Variants in LONRF3 observed in about 807,000 individuals in gnomAD.
The protein encoded by LONRF3 is LON peptidase N-terminal domain and ring finger 3, also known as LON peptidase N-terminal domain and RING finger protein 3.
A neutral mutation model predicts 51.7 loss-of-function variants in LONRF3; 19 were observed. The observed-to-expected ratio is 0.37, with a 90% CI of 0.26 to 0.54. The LOEUF is 0.54. Among genes scored for constraint, LONRF3 ranks in the 20% least tolerant of loss-of-function variants. LONRF3 has a pLI of 0.86. For synonymous variants in LONRF3, 265 were observed against 257.8 expected (o/e 1.03, Z -0.27); for missense variants, 521 against 623.9 (o/e 0.84, Z 1.76).
At chrX:118,992,415 G>T (rs1374351124) in intron 5 of LONRF3, among the ~76,000 whole-genome samples, 1 of 110,870 alleles carries the variant, frequency 9.0e-6, no homozygotes, top group African/African-American at 3.3e-5. Flanking sequence ...AACTTCCCTG[G>T]TAACCTGCAT....
At chrX:119,000,775 T>TTCTCTCTC (rs200671696) in intron 5 of LONRF3, among the ~76,000 whole-genome samples, 23 of 55,840 alleles carry the variant, frequency 4.1e-4, no homozygotes, top group Non-Finnish European at 6.7e-4. Context: ...TTCACTCTCA[T>TTCTCTCTC]TCTCTCTCTC....
At chrX:118,979,631 G>A (rs1357850710) in intron 2 of LONRF3, among the ~76,000 whole-genome samples, 2 of 111,663 alleles carry the variant, frequency 1.8e-5, no homozygotes, top group African/African-American at 6.5e-5. Flanking sequence ...ATTTTCCAGG[G>A]ACATTAGAAA....
chrX:118,979,300 C>CT (rs781007753), intron 2 of LONRF3, among the ~76,000 whole-genome samples: 46 of 97,319 alleles, frequency 4.7e-4, no homozygotes, highest in East Asian at 1.0e-3. Flanking sequence ...ACCGCGCTGG[C>CT]TTTTTTTTTT....
chrX:118,979,957 T>C (rs900341070), intron 2 of LONRF3, among the ~76,000 whole-genome samples: 4 of 112,458 alleles, frequency 3.6e-5, no homozygotes, highest in Non-Finnish European at 7.5e-5. Flanking sequence ...GATTTGAGCC[T>C]GTGCTCTACT....
rs765476754 is a variant in LONRF3 at position 118,982,826 on chromosome X, T to A, written c.942T>A (p.His314Gln). 8.3e-7 allele frequency: 1 copy of A among 1,211,377 alleles called. No individual in the cohort carries two copies. The highest frequency in any genetic ancestry group is 2.2e-5 in the Admixed American group (1 of 46,050). Residue 314 changes from histidine to glutamine, a missense_variant, in exon 3 of 11, where the codon CAT (histidine) becomes CAA (glutamine). This residue lies in a region of LONRF3 where 376 missense variants were observed against 376.7 expected (regional missense o/e 1.00). Coordinates refer to ENST00000371628, the MANE Select transcript of LONRF3 (RefSeq NM_001031855.3). ...ATGCTAATGTTTCCTTCCAGGCACA[T>A]TTCAGAAAAGCCCAAGCCTTAGCCA... ...CKLRPMGFKAHFRKAQALATL... is the reference protein window; with the variant it reads ...CKLRPMGFKAQFRKAQALATL...
At chrX:118,978,310 C>A (rs766746458) in intron 1 of LONRF3, 35 bp from the exon 2 acceptor site, 1 of 939,266 alleles carries the variant, frequency 1.1e-6, no homozygotes, top group East Asian at 3.1e-5. Context: ...GCGCTGGGGG[C>A]CATTAATAAA....
intron 5 of LONRF3, among the ~76,000 whole-genome samples, chrX:118,992,313 C>T (rs1923488061): frequency 8.9e-6 from 1 of 111,804 alleles, no homozygotes; most frequent in African/African-American, 3.3e-5. Context: ...TGGAAACAGA[C>T]TTGGAGCTGT....
At chrX:119,006,315 T>A in intron 6 of LONRF3, 80 bp downstream of exon 6, 1 of 697,546 alleles carries the variant, frequency 1.4e-6, no homozygotes, top group Non-Finnish European at 2.2e-6. Context: ...AATTGGGCAC[T>A]AAGACAGTGT....
chrX:118,995,500 A>G (rs1164140404), intron 5 of LONRF3, among the ~76,000 whole-genome samples: 1 of 112,325 alleles, frequency 8.9e-6, no homozygotes, highest in Non-Finnish European at 1.9e-5. Flanking sequence ...TCAGAGCAGA[A>G]CTAAATTAAA....
At chrX:118,999,492 A>C (rs1402332567) in intron 5 of LONRF3, among the ~76,000 whole-genome samples, 3 of 112,061 alleles carry the variant, frequency 2.7e-5, no homozygotes, top group Non-Finnish European at 5.6e-5. Context: ...CTGCTCAGAG[A>C]CCAGGTCTTT....
chrX:119,011,717 C>G, intron 7 of LONRF3, 98 bp from the exon 8 acceptor site: 1 of 919,001 alleles, frequency 1.1e-6, no homozygotes, highest in East Asian at 3.1e-5. Context: ...CTTGGTGTCT[C>G]TGCCTTCCCC....
intron 5 of LONRF3, among the ~76,000 whole-genome samples, chrX:119,003,184 A>T (rs929902433): frequency 2.7e-5 from 3 of 110,950 alleles, no homozygotes; most frequent in Admixed American, 9.6e-5. Flanking sequence ...ATATTCTCCT[A>T]TTTTATCTTT....
At chrX:118,980,059 C>T (rs116818659) in intron 2 of LONRF3, among the ~76,000 whole-genome samples, 295 of 112,158 alleles carry the variant, frequency 2.6e-3, no homozygotes, top group African/African-American at 8.8e-3. Context: ...CTGATTGCCT[C>T]GCAATGATGC....
At position 119,007,962 on chromosome X, in the gene LONRF3, T is replaced by C. The variant is rs753226671; in HGVS notation, c.1531-1164T>C. Among the ~76,000 whole-genome samples the C allele has an allele frequency of 8.0e-5, 9 of 112,206 alleles. No homozygotes were observed. In the South Asian group the frequency reaches 2.6e-3, roughly 32 times the overall value. On this transcript the variant is annotated intron_variant, in intron 6 of 10. Coordinates refer to ENST00000371628, the MANE Select transcript of LONRF3 (RefSeq NM_001031855.3). Reference sequence around the variant, plus strand: ...ATTTTAGTATGTGCCTTTTCTGGCTTTTTGTTTTAGTATCAGCAGAGGAGT... The same window carrying C: ...ATTTTAGTATGTGCCTTTTCTGGCTCTTTGTTTTAGTATCAGCAGAGGAGT...
At chrX:118,976,648 C>G (rs1922085819) in intron 1 of LONRF3, 1 of 112,905 alleles carries the variant, frequency 8.9e-6, no homozygotes, top group African/African-American at 3.2e-5. Context: ...TGGGCAGTCC[C>G]CCATCTCCAG....
At position 118,974,816 on chromosome X, in the gene LONRF3, G is replaced by A. The variant is rs774926868; in HGVS notation, c.36G>A (p.Leu12=). The A allele has an allele frequency of 1.1e-5, 13 of 1,208,102 alleles. No individual in the cohort carries two copies. Among genetic ancestry groups the A allele is most frequent in the Non-Finnish European group, 1.5e-5 (13 of 894,296 alleles). Residue 12 remains leucine (L), a synonymous_variant, in exon 1 of 11, where the codon TTG becomes TTA. Transcript: ENST00000371628. ...ESVRIEQMLS[L]PAEVSSDNLE... is the part of the protein sequence containing the mutation. ...TACGGATCGAACAGATGCTGAGCTT[G>A]CCCGCTGAGGTCAGCAGCGACAACT...
intron 5 of LONRF3, among the ~76,000 whole-genome samples, chrX:119,002,439 T>C (rs1924383319): frequency 8.9e-6 from 1 of 112,502 alleles, no homozygotes; most frequent in Admixed American, 9.4e-5. Flanking sequence ...ATCCATGTTA[T>C]TGCATATAGG....
chrX:118,990,112 TC>T (rs1457123372), intron 4 of LONRF3, among the ~76,000 whole-genome samples: 2 of 112,218 alleles, frequency 1.8e-5, no homozygotes, highest in Non-Finnish European at 3.8e-5. Context: ...TTGCTATCTT[TC>T]CACGAGAGGT....
At chrX:118,978,893 G>A (rs1195882271) in intron 2 of LONRF3, among the ~76,000 whole-genome samples, 4 of 111,066 alleles carry the variant, frequency 3.6e-5, no homozygotes, top group African/African-American at 1.3e-4. Flanking sequence ...AATAATGTAA[G>A]GTACTTAGAA....
Sources: gnomAD v4.1 joint callset for allele counts (sites outside exome capture counted in the v4.1 genomes callset) on GRCh38, gnomAD v4.1.1 for gene constraint, gnomAD v4.1.1 regional missense constraint, MANE v1.5 for transcripts, NCBI Gene and HGNC (gene_info 2026-07-23, HGNC 2026-07-21) for gene names.